RAB8B: variants seen among roughly 807,000 people sequenced by gnomAD.
RAB8B encodes RAB8B, member RAS oncogene family.
RAB8B carries 11 observed loss-of-function variants against 32.0 expected under a neutral mutation model. The observed-to-expected ratio is 0.34, with a 90% CI of 0.22 to 0.57. RAB8B has a LOEUF of 0.57. Among genes scored for constraint, RAB8B ranks in the 20% least tolerant of loss-of-function variants. RAB8B has a pLI of 0.86. For missense variants in RAB8B, 190 were observed against 258.5 expected (o/e 0.73, Z 1.82); for synonymous variants, 103 against 89.6 (o/e 1.15, Z -0.85).
intron 1 of RAB8B, among the ~76,000 whole-genome samples, chr15:63,240,146 A>G (rs2038020170): frequency 6.6e-6 from 1 of 152,150 alleles, no homozygotes; most frequent in Non-Finnish European, 1.5e-5. Context: ...CACCAGGCTG[A>G]AGAAGTTGGC....
Position 63,255,509 on chromosome 15 carries a change from C to G in RAB8B, c.249C>G (p.Gly83=). The change falls in exon 4 of 8, where the codon GGC becomes GGG. Residue 83 remains glycine, a splice_region_variant and synonymous_variant. Coordinates refer to ENST00000321437, the MANE Select transcript of RAB8B (RefSeq NM_016530.3). ...AAAGATATTTTTCCCCCTTATAGGG[C>G]ATTATGCTGGTCTATGACATCACAA... The part of the protein sequence containing the change: ...ITTAYYRGAM[G]IMLVYDITNE... The G allele has an allele frequency of 6.3e-7, 1 of 1,592,530 alleles. No individual in the cohort carries two copies. The highest frequency in any genetic ancestry group is 8.6e-7 in the Non-Finnish European group (1 of 1,160,934).
chr15:63,237,313 T>C (rs2037989055), intron 1 of RAB8B, among the ~76,000 whole-genome samples: 1 of 152,236 alleles, frequency 6.6e-6, no homozygotes, highest in African/African-American at 2.4e-5. Flanking sequence ...GACTTCAAAC[T>C]GTTCTCCATA....
At chr15:63,231,690 G>A (rs1052229126) in intron 1 of RAB8B, among the ~76,000 whole-genome samples, 1 of 152,146 alleles carries the variant, frequency 6.6e-6, no homozygotes, top group Non-Finnish European at 1.5e-5. Context: ...TGCAGCAAGA[G>A]AGACGCAACT....
chr15:63,260,623 G>A (rs574330261), intron 6 of RAB8B, among the ~76,000 whole-genome samples: 2 of 151,884 alleles, frequency 1.3e-5, no homozygotes, highest in Non-Finnish European at 2.9e-5. Flanking sequence ...ACCATGGCAC[G>A]TGTATACCTA....
At position 63,265,433 on chromosome 15, in the gene RAB8B, A is replaced by G. The variant is rs1369970288; in HGVS notation, c.*1814A>G. On this transcript the variant is annotated 3_prime_UTR_variant, in exon 8 of 8. Transcript: ENST00000321437. The surrounding 1 kb of genome is among the most constrained non-coding windows in gnomAD (Gnocchi z 4.9). ...AAAAGTCATTCGTTGCTGTTCTAGT[A>G]TAATTAGTAGTTCCGTGATTGAAAG... 6.6e-6 allele frequency: 1 copy of G among 151,130 alleles called. No individual in the cohort carries two copies. Among genetic ancestry groups the G allele is most frequent in the Non-Finnish European group, 1.5e-5 (1 of 67,846 alleles). The allele number at this position is 151,130 out of a possible 1,614,324, so 9.4% of individuals were successfully genotyped here. A position where few individuals can be genotyped will look rare whatever the true frequency, so the allele number is the denominator to read the frequency against.
chr15:63,247,366 A>G (rs928424829), intron 2 of RAB8B, among the ~76,000 whole-genome samples: 1 of 152,242 alleles, frequency 6.6e-6, no homozygotes, highest in East Asian at 1.9e-4. Flanking sequence ...TGCAATATGC[A>G]AGGCAAAGAT....
chr15:63,220,900 A>T (rs2037839028), intron 1 of RAB8B, among the ~76,000 whole-genome samples: 1 of 152,208 alleles, frequency 6.6e-6, no homozygotes, highest in African/African-American at 2.4e-5. Context: ...AATCAGCCGT[A>T]TACAGTGCTA....
At chr15:63,244,318 G>C (rs907926797) in intron 1 of RAB8B, among the ~76,000 whole-genome samples, 2 of 152,080 alleles carry the variant, frequency 1.3e-5, no homozygotes, top group Non-Finnish European at 2.9e-5. Context: ...TTTTTCCTTA[G>C]TCAGTTGCAG....
Position 63,259,536 on chromosome 15 carries a change from C to T in RAB8B, c.415-91C>T. On this transcript the variant is annotated intron_variant, in intron 5 of 7. Coordinates refer to ENST00000321437, the MANE Select transcript of RAB8B (RefSeq NM_016530.3). The surrounding 1 kb of genome is among the most constrained non-coding windows in gnomAD (Gnocchi z 4.4). ...CAGGAGTTCTGAAATAGATACCCTA[C>T]CTTTGAGACTTTGAAAAACCTAAGA... is the stretch of plus-strand genomic sequence containing the variant. The T allele has an allele frequency of 9.0e-7, 1 of 1,115,854 alleles. No homozygotes were observed. Among genetic ancestry groups the T allele is most frequent in the South Asian group, 1.4e-5 (1 of 74,036 alleles). The allele number at this position is 1,115,854 out of a possible 1,614,324, so 69.1% of individuals were successfully genotyped here.
At chr15:63,249,789 G>A in intron 3 of RAB8B, 84 bp downstream of exon 3, 1 of 1,394,938 alleles carries the variant, frequency 7.2e-7, no homozygotes, top group Non-Finnish European at 1.0e-6. Context: ...GATTCAAGAT[G>A]GAGTCTAGTA....
rs192452728 is a variant in RAB8B at position 63,259,093 on chromosome 15, G to A, written c.415-534G>A. ...AAAAGTACAAAAACAGAAAAAAAGA[G>A]AAGTACTTAAATTATTATTATTATT... is the stretch of plus-strand genomic sequence containing the variant. On this transcript the variant is annotated intron_variant, in intron 5 of 7. Coordinates refer to ENST00000321437, the MANE Select transcript of RAB8B (RefSeq NM_016530.3). The surrounding 1 kb of genome is among the most constrained non-coding windows in gnomAD (Gnocchi z 4.4). Among the ~76,000 whole-genome samples the A allele has an allele frequency of 2.4e-3, 359 of 152,116 alleles. 2 individuals are homozygous for A. Among genetic ancestry groups the A allele is most frequent in the African/African-American group, 8.4e-3 (349 of 41,526 alleles).
intron 1 of RAB8B, among the ~76,000 whole-genome samples, chr15:63,223,357 T>C (rs1394110494): frequency 6.6e-6 from 1 of 152,022 alleles, no homozygotes; most frequent in African/African-American, 2.4e-5. Flanking sequence ...GGTGATCCAC[T>C]TGCCTCGGCC....
At chr15:63,211,509 CTT>C (rs2141116087) in intron 1 of RAB8B, among the ~76,000 whole-genome samples, 1 of 152,304 alleles carries the variant, frequency 6.6e-6, no homozygotes, top group South Asian at 2.1e-4. Flanking sequence ...TTACGCAAGA[CTT>C]TAGAGAGAGC....
intron 1 of RAB8B, among the ~76,000 whole-genome samples, chr15:63,242,683 C>T (rs1169378399): frequency 1.3e-5 from 2 of 152,032 alleles, no homozygotes; most frequent in Non-Finnish European, 2.9e-5. Context: ...TCTCAAAAAA[C>T]AAAACAAAAC....
In RAB8B at chr15:63,228,147, G is replaced by C. The variant is rs141822425; in HGVS notation, c.125-16609G>C. On this transcript the variant is annotated intron_variant, in intron 1 of 7. Transcript: ENST00000321437. Reference sequence around the variant, plus strand: ...TTCTCCCACCTTAGCCTCCTAAGTAGTTGGGACTACAGGCACACACCACCA... The same window carrying C: ...TTCTCCCACCTTAGCCTCCTAAGTACTTGGGACTACAGGCACACACCACCA... 2.0e-5 allele frequency among the ~76,000 whole-genome samples: 3 copies of C among 152,220 alleles called. No homozygotes were observed. The East Asian group carries it at 5.8e-4, about 29-fold the overall frequency.
At chr15:63,210,199 G>A (rs1320436074) in intron 1 of RAB8B, among the ~76,000 whole-genome samples, 1 of 152,134 alleles carries the variant, frequency 6.6e-6, no homozygotes, top group Non-Finnish European at 1.5e-5. Context: ...GACAGAAGAG[G>A]CCCTAAAAAT....
At chr15:63,260,554 T>G (rs1166605665) in intron 6 of RAB8B, among the ~76,000 whole-genome samples, 2 of 152,176 alleles carry the variant, frequency 1.3e-5, no homozygotes, top group Admixed American at 6.5e-5. Context: ...TAAAGTCTTA[T>G]GAGAATAGGT....
chr15:63,247,512 C>A (rs1484383536), intron 2 of RAB8B, among the ~76,000 whole-genome samples: 1 of 152,034 alleles, frequency 6.6e-6, no homozygotes, highest in Non-Finnish European at 1.5e-5. Context: ...TTTTTTTTAA[C>A]CTCCTAGAAG....
chr15:63,248,706 T>C lies in RAB8B; in HGVS notation c.186-939T>C, dbSNP rs1016983539. On this transcript the variant is annotated intron_variant, in intron 2 of 7. Coordinates refer to ENST00000321437, the MANE Select transcript of RAB8B (RefSeq NM_016530.3). This position sits in a 1 kb window ranked among gnomAD's most constrained non-coding sequence, Gnocchi z 4.4. Reference sequence around the variant, plus strand: ...CAGTGTGAAAGTATTTTGTAAGATATATGTCTATGTTAAGGTGTTTATTGC... The same window carrying C: ...CAGTGTGAAAGTATTTTGTAAGATACATGTCTATGTTAAGGTGTTTATTGC... Among the ~76,000 whole-genome samples the C allele has an allele frequency of 6.6e-6, 1 of 152,208 alleles. No homozygotes were observed. The highest frequency in any genetic ancestry group is 2.4e-5 in the African/African-American group (1 of 41,452).
Sources: gnomAD v4.1 joint callset for allele counts (sites outside exome capture counted in the v4.1 genomes callset) on GRCh38, gnomAD v4.1.1 for gene constraint, Gnocchi (gnomAD v3.1) non-coding constraint, MANE v1.5 for transcripts, NCBI Gene and HGNC (gene_info 2026-07-23, HGNC 2026-07-21) for gene names.